CNTNAP2: variants seen among roughly 807,000 people sequenced by gnomAD.
CNTNAP2 encodes the protein contactin-associated protein-like 2.
Under a neutral mutation model 155.2 loss-of-function variants are expected in CNTNAP2, and 98 were observed. The ratio of observed to expected loss-of-function variants is 0.63; its 90% CI spans 0.54 to 0.75. The LOEUF (loss-of-function observed/expected upper bound fraction) is 0.75, where lower values mean the gene tolerates loss of function less well. Ranked by LOEUF, CNTNAP2 falls within the 30% of genes least tolerant of loss-of-function variation. CNTNAP2 has a pLI of 0.00. For missense variants in CNTNAP2, 1,727 were observed against 1,688.1 expected (o/e 1.02, Z -0.40); for synonymous variants, 651 against 631.2 (o/e 1.03, Z -0.47).
chr7:146,261,143 G>C (rs1799913787), intron 1 of CNTNAP2, among the ~76,000 whole-genome samples: 2 of 152,078 alleles, frequency 1.3e-5, no homozygotes. Context: ...TGCCATGATT[G>C]TAAGTTTCCT....
chr7:147,720,316 A>C (rs1455347580), intron 13 of CNTNAP2, among the ~76,000 whole-genome samples: 6 of 152,142 alleles, frequency 3.9e-5, no homozygotes, highest in Admixed American at 1.3e-4. Context: ...ATTCCTCAAA[A>C]GCAAATAGCA....
Position 148,087,880 on chromosome 7 carries a change from A to G in CNTNAP2, c.2384-30238A>G, listed in dbSNP as rs183632102. ...GGAAAATACAAGTTATTTTAATGTC[A>G]TAAGCTCACAGTAATTTTTTCCAAA... On this transcript the variant is annotated intron_variant, in intron 15 of 23. Coordinates refer to ENST00000361727, the MANE Select transcript of CNTNAP2 (RefSeq NM_014141.6). Among the ~76,000 whole-genome samples, 112 of 152,278 alleles carry G rather than the reference A, an allele frequency of 7.4e-4. 1 individual carries two copies. The highest frequency in any genetic ancestry group is 1.6e-3 in the Admixed American group (24 of 15,298).
chr7:147,506,026 A>G (rs1386453812), intron 11 of CNTNAP2, among the ~76,000 whole-genome samples: 1 of 152,218 alleles, frequency 6.6e-6, no homozygotes, highest in African/African-American at 2.4e-5. Flanking sequence ...GTTGTAAAAG[A>G]TAATGATAGA....
chr7:147,481,544 C>A (rs1169989399), intron 10 of CNTNAP2, among the ~76,000 whole-genome samples: 2 of 152,190 alleles, frequency 1.3e-5, no homozygotes, highest in African/African-American at 4.8e-5. Context: ...TAATTGCAGC[C>A]CATTTGACCT....
At chr7:148,291,141 G>C (rs553956381) in intron 21 of CNTNAP2, among the ~76,000 whole-genome samples, 1 of 151,920 alleles carries the variant, frequency 6.6e-6, no homozygotes, top group East Asian at 1.9e-4. Flanking sequence ...AGATCTCTAC[G>C]ATGTGCAAGA....
Position 148,394,590 on chromosome 7 carries a change from C to T in CNTNAP2, c.3715+10702C>T, listed in dbSNP as rs547974775. On this transcript the variant is annotated intron_variant, in intron 22 of 23. Coordinates refer to ENST00000361727, the MANE Select transcript of CNTNAP2 (RefSeq NM_014141.6). The stretch of plus-strand genomic sequence containing the variant: ...TTAAGGTTTATGTATAAGTTCATTA[C>T]CTGGTGATGCCCAGTTACACCATGC... 3.9e-5 allele frequency among the ~76,000 whole-genome samples: 6 copies of T among 152,252 alleles called. No individual in the cohort carries two copies. In the South Asian group the frequency reaches 1.0e-3, roughly 26 times the overall value.
chr7:147,736,960 G>A (rs1357677229), intron 13 of CNTNAP2, among the ~76,000 whole-genome samples: 1 of 152,066 alleles, frequency 6.6e-6, no homozygotes, highest in African/African-American at 2.4e-5. Context: ...CTTTGCCATG[G>A]GTTCGAACTT....
At chr7:148,000,809 T>C (rs1020423763) in intron 15 of CNTNAP2, among the ~76,000 whole-genome samples, 3 of 152,184 alleles carry the variant, frequency 2.0e-5, no homozygotes, top group Admixed American at 1.3e-4. Flanking sequence ...TACCACAAAC[T>C]TGGTGGCTTA....
rs537972783 is a variant in CNTNAP2, at chr7:148,327,789, A to T, written c.3476-55860A>T. On this transcript the variant is annotated intron_variant, in intron 21 of 23. Coordinates refer to ENST00000361727, the MANE Select transcript of CNTNAP2 (RefSeq NM_014141.6). Reference sequence around the variant, plus strand: ...GTTTCTATTGCCTGGAAACTCAAGGATTACAGCAGAATTAGAGAATCTGGT... The same window carrying T: ...GTTTCTATTGCCTGGAAACTCAAGGTTTACAGCAGAATTAGAGAATCTGGT... 2.3e-3 allele frequency among the ~76,000 whole-genome samples: 349 copies of T among 152,280 alleles called. 1 individual carries two copies. The highest frequency in any genetic ancestry group is 7.9e-3 in the African/African-American group (327 of 41,562).
chr7:146,902,878 G>C (rs1325240854), intron 3 of CNTNAP2, among the ~76,000 whole-genome samples: 1 of 152,134 alleles, frequency 6.6e-6, no homozygotes, highest in African/African-American at 2.4e-5. Context: ...TCCGACGTGT[G>C]GTAAGGTCAT....
At chr7:147,097,216 C>T (rs189126500) in intron 4 of CNTNAP2, among the ~76,000 whole-genome samples, 10 of 152,252 alleles carry the variant, frequency 6.6e-5, no homozygotes, top group Non-Finnish European at 1.0e-4. Context: ...TATTGCTACT[C>T]GTCCTGACAA....
At chr7:147,548,758 T>C (rs1420350113) in intron 11 of CNTNAP2, among the ~76,000 whole-genome samples, 4 of 152,234 alleles carry the variant, frequency 2.6e-5, no homozygotes, top group Non-Finnish European at 5.9e-5. Context: ...TTTAAGTCTT[T>C]AGTCCATCTT....
chr7:147,099,303 T>C (rs1800609259), intron 4 of CNTNAP2, among the ~76,000 whole-genome samples: 1 of 152,220 alleles, frequency 6.6e-6, no homozygotes, highest in South Asian at 2.1e-4. Context: ...AAAGTGTGCT[T>C]ACCATCTCTA....
At chr7:148,312,619 C>T (rs1168392219) in intron 21 of CNTNAP2, among the ~76,000 whole-genome samples, 1 of 152,064 alleles carries the variant, frequency 6.6e-6, no homozygotes, top group Admixed American at 6.5e-5. Context: ...GGTGGATAGG[C>T]AAAACAATTT....
chr7:146,882,085 T>A (rs1469778997), intron 3 of CNTNAP2, among the ~76,000 whole-genome samples: 1 of 152,072 alleles, frequency 6.6e-6, no homozygotes, highest in South Asian at 2.1e-4. Context: ...TGTTCCCGCA[T>A]TAATTAGCTT....
At chr7:146,203,178 G>A (rs1327131062) in intron 1 of CNTNAP2, among the ~76,000 whole-genome samples, 1 of 152,176 alleles carries the variant, frequency 6.6e-6, no homozygotes, top group South Asian at 2.1e-4. Flanking sequence ...GACACAGGTT[G>A]AGTGTCCTCT....
intron 8 of CNTNAP2, among the ~76,000 whole-genome samples, chr7:147,192,271 TCC>T (rs1802695137): frequency 1.3e-5 from 2 of 152,138 alleles, no homozygotes; most frequent in African/African-American, 4.8e-5. Context: ...CAGCTGCCTT[TCC>T]CTGGTCCGTT....
intron 13 of CNTNAP2, among the ~76,000 whole-genome samples, chr7:147,733,769 C>G (rs1796788481): frequency 1.3e-5 from 2 of 152,092 alleles, no homozygotes; most frequent in Admixed American, 1.3e-4. Context: ...GTATTTTATT[C>G]TCTTTGAAGC....
chr7:146,267,637 G>A (rs1800016996), intron 1 of CNTNAP2, among the ~76,000 whole-genome samples: 1 of 152,282 alleles, frequency 6.6e-6, no homozygotes, highest in Non-Finnish European at 1.5e-5. Context: ...GACACAGGGT[G>A]AAAGCGCCAG....
Sources: allele counts gnomAD v4.1 joint callset (sites outside exome capture counted in the v4.1 genomes callset), GRCh38; gene constraint gnomAD v4.1.1; transcripts MANE v1.5; gene names NCBI Gene and HGNC (gene_info 2026-07-23, HGNC 2026-07-21).